Variants in LETM1 observed in about 807,000 individuals in gnomAD.
LETM1 encodes leucine zipper and EF-hand containing transmembrane protein 1.
A neutral mutation model predicts 74.5 loss-of-function variants in LETM1; 50 were observed. The ratio of observed to expected loss-of-function variants is 0.67; its 90% CI spans 0.53 to 0.85. LETM1 has a LOEUF of 0.85. LETM1 is among the 40% of genes least tolerant of loss of function. LETM1 has a pLI of 0.00. For missense variants in LETM1, 824 were observed against 967.8 expected (o/e 0.85, Z 1.97); for synonymous variants, 446 against 407.1 (o/e 1.10, Z -1.15).
At chr4:1,826,038 G>A (rs1283976747) in intron 6 of LETM1, among the ~76,000 whole-genome samples, 1 of 152,168 alleles carries the variant, frequency 6.6e-6, no homozygotes, top group Non-Finnish European at 1.5e-5. Flanking sequence ...AGGAGGGATG[G>A]AAGGCGAGGG....
chr4:1,834,547 G>A lies in LETM1; in HGVS notation c.876+298C>T. 2 of 1,174,344 alleles carry A rather than the reference G, an allele frequency of 1.7e-6. No individual in the cohort carries two copies. The highest frequency in any genetic ancestry group is 4.4e-5 in the South Asian group (2 of 45,006). 72.7% of individuals were successfully genotyped at this position (1,174,344 alleles called of 1,614,324 possible). ...GCCACCCACACCTCACACCATCAGG[G>A]TCTCAGGCTCCTCATGGGTCAGATT... On this transcript the variant is annotated intron_variant, in intron 5 of 13. Transcript: ENST00000302787. The surrounding 1 kb of genome is among the most constrained non-coding windows in gnomAD (Gnocchi z 5.0).
At chr4:1,837,745 C>T (rs960370943) in intron 3 of LETM1, among the ~76,000 whole-genome samples, 2 of 149,088 alleles carry the variant, frequency 1.3e-5, no homozygotes, top group Admixed American at 6.6e-5. Context: ...GCTCTGTCAC[C>T]CAGGCTGGAG....
chr4:1,829,285 T>C (rs1266369479), intron 6 of LETM1, among the ~76,000 whole-genome samples: 11 of 129,268 alleles, frequency 8.5e-5, no homozygotes, highest in African/African-American at 2.5e-4. Context: ...CACTTCCCAG[T>C]AGGGGCGGCC....
rs1712477138 is a variant in LETM1, at chr4:1,836,838, G to C, written c.595-266C>G. On this transcript the variant is annotated intron_variant, in intron 3 of 13. Coordinates refer to ENST00000302787, the MANE Select transcript of LETM1 (RefSeq NM_012318.3). This position sits in a 1 kb window ranked among gnomAD's most constrained non-coding sequence, Gnocchi z 5.8. Reference sequence around the variant, plus strand: ...GGGCCACTGGGTGCTCCCAGCGATCGAGTCCTCCGAGGACACCGGCCAGCA... The same window carrying C: ...GGGCCACTGGGTGCTCCCAGCGATCCAGTCCTCCGAGGACACCGGCCAGCA... 6.6e-6 allele frequency among the ~76,000 whole-genome samples: 1 copy of C among 152,080 alleles called. No homozygotes were observed. Among genetic ancestry groups the C allele is most frequent in the Non-Finnish European group, 1.5e-5 (1 of 68,016 alleles).
intron 6 of LETM1, among the ~76,000 whole-genome samples, chr4:1,828,996 C>G (rs1424385485): frequency 2.7e-5 from 3 of 112,558 alleles, no homozygotes; most frequent in South Asian, 6.0e-4. Context: ...GGGGCTGACC[C>G]CCCCCCACCT....
chr4:1,851,495 A>G (rs2108857986), intron 1 of LETM1, among the ~76,000 whole-genome samples: 1 of 152,310 alleles, frequency 6.6e-6, no homozygotes, highest in East Asian at 1.9e-4. Flanking sequence ...GGAAATTCCT[A>G]CTACGTGCCA....
rs1227364394 is a variant in LETM1 at position 1,814,411 on chromosome 4, C to G, written c.*13G>C. 1 of 1,614,132 alleles carries G rather than the reference C, an allele frequency of 6.2e-7. No homozygotes were observed. Among genetic ancestry groups the G allele is most frequent in the Non-Finnish European group, 8.5e-7 (1 of 1,180,028 alleles). Reference sequence around the variant, plus strand: ...ACGGCACAGCAGGAGGACAGGTGCCCAGGCCAGTGGTTCTAGCTCTTCACC... The same window carrying G: ...ACGGCACAGCAGGAGGACAGGTGCCGAGGCCAGTGGTTCTAGCTCTTCACC... On this transcript the variant is annotated 3_prime_UTR_variant, in exon 14 of 14. Coordinates refer to ENST00000302787, the MANE Select transcript of LETM1 (RefSeq NM_012318.3).
rs1315550085 is a variant in LETM1 at position 1,812,536 on chromosome 4, T to G, written c.*1888A>C. The G allele has an allele frequency of 6.6e-6, 1 of 152,236 alleles. No homozygotes were observed. Among genetic ancestry groups the G allele is most frequent in the Non-Finnish European group, 1.5e-5 (1 of 68,036 alleles). 9.4% of individuals were successfully genotyped at this position (152,236 alleles called of 1,614,324 possible). On this transcript the variant is annotated 3_prime_UTR_variant, in exon 14 of 14. Transcript: ENST00000302787. ...GGGCAGGTGTAAGAAAGGACTGTTT[T>G]AAGAAGCTTATTACACAAAGCTCAT... is the stretch of plus-strand genomic sequence containing the variant.
chr4:1,855,665 A>T (rs1214827699), intron 1 of LETM1, among the ~76,000 whole-genome samples: 1 of 152,050 alleles, frequency 6.6e-6, no homozygotes, highest in East Asian at 1.9e-4. Flanking sequence ...GTCACAACAC[A>T]CGGCAGAGGC....
intron 2 of LETM1, among the ~76,000 whole-genome samples, chr4:1,845,479 C>G (rs1175288386): frequency 6.6e-6 from 1 of 150,808 alleles, no homozygotes; most frequent in African/African-American, 2.4e-5. Flanking sequence ...ATTGTGTGAC[C>G]AAATAAAAAG....
chr4:1,820,346 ACT>A (rs1187108667), intron 10 of LETM1, among the ~76,000 whole-genome samples: 4 of 152,196 alleles, frequency 2.6e-5, no homozygotes, highest in African/African-American at 9.6e-5. Context: ...GGGGTGCCAT[ACT>A]GTTCAAACCT....
rs2108847312 is a variant in LETM1, at chr4:1,834,335, C to T, written c.876+510G>A. 1.0e-6 allele frequency: 1 copy of T among 961,674 alleles called. No individual in the cohort carries two copies. Among genetic ancestry groups the T allele is most frequent in the Admixed American group, 6.1e-5 (1 of 16,430 alleles). 59.6% of individuals were successfully genotyped at this position (961,674 alleles called of 1,614,324 possible). Reference sequence around the variant, plus strand: ...CCATCTAGTCCTCAGGGATCTCGGTCCGTGGCAGCTGCCGTCTCCCCATCC... The same window carrying T: ...CCATCTAGTCCTCAGGGATCTCGGTTCGTGGCAGCTGCCGTCTCCCCATCC... On this transcript the variant is annotated intron_variant, in intron 5 of 13. Transcript: ENST00000302787. The surrounding 1 kb of genome is among the most constrained non-coding windows in gnomAD (Gnocchi z 5.0).
intron 12 of LETM1, 69 bp downstream of exon 12, chr4:1,816,657 GA>G: frequency 6.7e-7 from 1 of 1,483,312 alleles, no homozygotes. Context: ...GCCCAGCTCG[GA>G]TCCAGCAAAG....
chr4:1,837,220 C>T (rs998001663), intron 3 of LETM1, among the ~76,000 whole-genome samples: 2 of 152,116 alleles, frequency 1.3e-5, no homozygotes, highest in Non-Finnish European at 2.9e-5. Flanking sequence ...GTAGTTCCTA[C>T]GTTTCCTGCG....
intron 2 of LETM1, among the ~76,000 whole-genome samples, chr4:1,842,404 C>A (rs1712732987): frequency 6.6e-6 from 1 of 152,240 alleles, no homozygotes; most frequent in African/African-American, 2.4e-5. Flanking sequence ...CTGTCCGGCA[C>A]CAGCAGGCTC....
chr4:1,831,508 G>C (rs1404611022), intron 6 of LETM1, among the ~76,000 whole-genome samples: 1 of 152,234 alleles, frequency 6.6e-6, no homozygotes, highest in Non-Finnish European at 1.5e-5. Context: ...CCAACTCTCC[G>C]CTGGGCCCCC....
At chr4:1,822,392 T>G (rs1005472720) in intron 9 of LETM1, 80 bp from the exon 10 acceptor site, 23 of 1,326,064 alleles carry the variant, frequency 1.7e-5, no homozygotes, top group Non-Finnish European at 2.1e-5. Flanking sequence ...TCAGAACATA[T>G]GGCAGAGGCC....
intron 3 of LETM1, among the ~76,000 whole-genome samples, chr4:1,839,980 C>T (rs1712630876): frequency 6.6e-6 from 1 of 152,076 alleles, no homozygotes. Context: ...GTGAGCCGCT[C>T]CAGCAAATTA....
Position 1,827,942 on chromosome 4 carries a change from G to A in LETM1, c.1081-2259C>T, listed in dbSNP as rs555094654. Among the ~76,000 whole-genome samples, 696 of 141,392 alleles carry A rather than the reference G, an allele frequency of 4.9e-3. 9 individuals are homozygous for A. The highest frequency in any genetic ancestry group is 0.018 in the African/African-American group (664 of 36,604). The allele number at this position is 141,392 out of a possible 152,430, so 92.8% of individuals were successfully genotyped here. On this transcript the variant is annotated intron_variant, in intron 6 of 13. Coordinates refer to ENST00000302787, the MANE Select transcript of LETM1 (RefSeq NM_012318.3). ...GGGCTGACCCCCCAACCTCCCTCCC[G>A]GATGGGGCGGCTGGCCGGGCAGAGG...
Sources: allele counts gnomAD v4.1 joint callset (sites outside exome capture counted in the v4.1 genomes callset), GRCh38; gene constraint gnomAD v4.1.1; non-coding constraint Gnocchi (gnomAD v3.1); transcripts MANE v1.5; gene names NCBI Gene and HGNC (gene_info 2026-07-23, HGNC 2026-07-21).